The following THRB variants were observed in gnomAD, a reference collection of about 807,000 sequenced individuals.
The protein encoded by THRB is thyroid hormone receptor beta.
A neutral mutation model predicts 47.8 loss-of-function variants in THRB; 12 were observed. The observed-to-expected ratio is 0.25, with a 90% CI of 0.16 to 0.41. The LOEUF is 0.41. THRB is among the 10% of genes least tolerant of loss of function. The probability of loss-of-function intolerance (pLI) is 1.00; values close to 1 mark genes in which losing one functional copy is unlikely to be tolerated. For missense variants in THRB, 348 were observed against 589.2 expected, an observed-to-expected ratio of 0.59 and a Z score of 4.24; for synonymous variants, 218 against 212.2, an observed-to-expected ratio of 1.03 and a Z score of -0.24.
intron 3 of THRB, among the ~76,000 whole-genome samples, chr3:24,288,299 G>A (rs1462555746): frequency 6.6e-6 from 1 of 152,188 alleles, no homozygotes; most frequent in African/African-American, 2.4e-5. Flanking sequence ...GCAGAGCCAG[G>A]ATTTCTAAAC....
intron 1 of THRB, among the ~76,000 whole-genome samples, chr3:24,492,656 G>A (rs533990289): frequency 7.0e-4 from 107 of 152,136 alleles, no homozygotes; most frequent in Non-Finnish European, 1.3e-3. Context: ...TGCTTTTAAG[G>A]CGATTTTAAG....
chr3:24,207,832 G>C (rs1046841623), intron 4 of THRB, among the ~76,000 whole-genome samples: 2 of 152,182 alleles, frequency 1.3e-5, no homozygotes, highest in African/African-American at 4.8e-5. Context: ...CATAGTGTTG[G>C]AAGTTCTGGC....
chr3:24,283,267 G>A (rs1345790420), intron 3 of THRB, among the ~76,000 whole-genome samples: 10 of 152,104 alleles, frequency 6.6e-5, no homozygotes, highest in Non-Finnish European at 1.5e-4. Context: ...TGGGATGCAA[G>A]GCTGGTTCAA....
At chr3:24,206,215 A>C (rs1424026597) in intron 4 of THRB, among the ~76,000 whole-genome samples, 1 of 152,204 alleles carries the variant, frequency 6.6e-6, no homozygotes, top group Non-Finnish European at 1.5e-5. Flanking sequence ...TCAGCACCAC[A>C]TCACACTTAT....
chr3:24,248,165 G>A (rs950427824), intron 3 of THRB, among the ~76,000 whole-genome samples: 16 of 151,966 alleles, frequency 1.1e-4, no homozygotes, highest in African/African-American at 3.9e-4. Flanking sequence ...CTATTACTTT[G>A]AGGTCAAATT....
intron 6 of THRB, among the ~76,000 whole-genome samples, chr3:24,151,984 G>A (rs2037022491): frequency 6.6e-6 from 1 of 152,054 alleles, no homozygotes; most frequent in African/African-American, 2.4e-5. Context: ...AACAGCCTGT[G>A]GTAGAGTAAA....
intron 1 of THRB, among the ~76,000 whole-genome samples, chr3:24,342,011 C>T (rs2062689419): frequency 6.6e-6 from 1 of 152,086 alleles, no homozygotes. Flanking sequence ...GCAGAATCAC[C>T]CAGCCAACTC....
chr3:24,487,141 T>G (rs2125925660), intron 1 of THRB, among the ~76,000 whole-genome samples: 1 of 149,938 alleles, frequency 6.7e-6, no homozygotes, highest in African/African-American at 2.5e-5. Flanking sequence ...TGTATACAAG[T>G]TGCTAGGGGT....
At chr3:24,193,140 G>C (rs559376254) in intron 4 of THRB, among the ~76,000 whole-genome samples, 1 of 152,298 alleles carries the variant, frequency 6.6e-6, no homozygotes, top group South Asian at 2.1e-4. Context: ...ACATACCTGT[G>C]GTTGGCAATA....
intron 1 of THRB, chr3:24,430,727 T>C (rs2125269260): frequency 6.6e-6 from 1 of 152,138 alleles, no homozygotes; most frequent in Middle Eastern, 3.4e-3. Context: ...TTTGACTACA[T>C]TAAAATTAAG....
chr3:24,411,995 A>G (rs1186588792), intron 1 of THRB, among the ~76,000 whole-genome samples: 2 of 151,816 alleles, frequency 1.3e-5, no homozygotes, highest in Non-Finnish European at 2.9e-5. Flanking sequence ...TTCTAAATAC[A>G]GTATATTATT....
chr3:24,482,937 C>T (rs1696700062), intron 1 of THRB, among the ~76,000 whole-genome samples: 1 of 152,094 alleles, frequency 6.6e-6, no homozygotes, highest in South Asian at 2.1e-4. Flanking sequence ...CTTATTCAGT[C>T]AAATAGAAAG....
At chr3:24,292,333 CT>C (rs913871956) in intron 3 of THRB, among the ~76,000 whole-genome samples, 1 of 152,154 alleles carries the variant, frequency 6.6e-6, no homozygotes, top group African/African-American at 2.4e-5. Flanking sequence ...ACATGGATTG[CT>C]TTTACTAAAA....
At chr3:24,467,429 T>A (rs988397531) in intron 1 of THRB, among the ~76,000 whole-genome samples, 2 of 152,240 alleles carry the variant, frequency 1.3e-5, no homozygotes, top group Non-Finnish European at 2.9e-5. Context: ...ATTTCCAGAA[T>A]GTTTTCAATT....
chr3:24,126,902 AC>A (rs1302914736), intron 10 of THRB, among the ~76,000 whole-genome samples: 3 of 151,462 alleles, frequency 2.0e-5, no homozygotes, highest in African/African-American at 7.3e-5. Context: ...TGTGCTTGGG[AC>A]TCTTTCTCTT....
rs1237086709 is a variant in THRB at position 24,188,884 on chromosome 3, TG to T, written c.283+1189del. On this transcript the variant is annotated intron_variant, in intron 5 of 10. Transcript: ENST00000646209. ...ATATATATATATATATATATATATA[TG>T]AGAGAAAGAGAGTCCAAATACAAAC... Among the ~76,000 whole-genome samples the T allele has an allele frequency of 9.9e-4, 142 of 142,732 alleles. 3 individuals are homozygous for T. The highest frequency in any genetic ancestry group is 3.5e-3 in the African/African-American group (130 of 36,958). 93.6% of individuals were successfully genotyped at this position (142,732 alleles called of 152,430 possible). A position where few individuals can be genotyped will look rare whatever the true frequency, so the allele number is the denominator to read the frequency against.
chr3:24,315,469 G>A (rs1245278365), intron 2 of THRB, among the ~76,000 whole-genome samples: 1 of 152,188 alleles, frequency 6.6e-6, no homozygotes, highest in Non-Finnish European at 1.5e-5. Flanking sequence ...CGCTTGGCTG[G>A]CGTCATGGCT....
chr3:24,439,568 C>A (rs1372763008), intron 1 of THRB, among the ~76,000 whole-genome samples: 1 of 152,192 alleles, frequency 6.6e-6, no homozygotes, highest in African/African-American at 2.4e-5. Context: ...CTCCTTGTGA[C>A]AACACACGCA....
chr3:24,144,160 TAAAA>T lies in THRB; in HGVS notation c.533-458_533-455del, dbSNP rs564443509. The T allele has an allele frequency of 4.9e-3, 917 of 187,940 alleles. 7 individuals are homozygous for T. The highest frequency in any genetic ancestry group is 8.6e-3 in the Non-Finnish European group (757 of 88,366). 11.6% of individuals were successfully genotyped at this position (187,940 alleles called of 1,614,324 possible). A position where few individuals can be genotyped will look rare whatever the true frequency, so the allele number is the denominator to read the frequency against. ...TCAGGTTAAAGAAACGTTATGGAAT[TAAAA>T]AAAGAAACGTTATGGAGCAGTAAGT... On this transcript the variant is annotated intron_variant, in intron 7 of 10. Transcript: ENST00000646209.
Sources: allele counts gnomAD v4.1 joint callset (sites outside exome capture counted in the v4.1 genomes callset), GRCh38; gene constraint gnomAD v4.1.1; transcripts MANE v1.5; gene names NCBI Gene and HGNC (gene_info 2026-07-23, HGNC 2026-07-21).